Variants in GALNT13 observed in about 807,000 individuals in gnomAD.
The protein encoded by GALNT13 is UDP-GalNAc:polypeptide N-acetylgalactosaminyltransferase 13.
Under a neutral mutation model 64.2 loss-of-function variants are expected in GALNT13, and 28 were observed. The ratio of observed to expected loss-of-function variants is 0.44; its 90% CI spans 0.32 to 0.60. GALNT13 has a LOEUF of 0.60. Ranked by LOEUF, GALNT13 falls within the 20% of genes least tolerant of loss-of-function variation. The pLI is 0.05. For missense variants in GALNT13, 577 were observed against 669.8 expected (o/e 0.86, Z 1.53); for synonymous variants, 214 against 224.6 (o/e 0.95, Z 0.42).
chr2:153,387,071 A>G, the GALNT13 span, among the ~76,000 whole-genome samples: 1 of 152,144 alleles, frequency 6.6e-6, no homozygotes, highest in African/African-American at 2.4e-5. Context: ...ACCTCATAGC[A>G]TTTAGCTCTG....
chr2:153,171,219 A>C, the GALNT13 span, among the ~76,000 whole-genome samples: 2 of 152,222 alleles, frequency 1.3e-5, no homozygotes, highest in African/African-American at 4.8e-5. Context: ...ACATCTGAGA[A>C]GTGAGAAGCT....
intron 8 of GALNT13, among the ~76,000 whole-genome samples, chr2:154,269,993 T>C (rs1691267208): frequency 6.9e-6 from 1 of 145,822 alleles, no homozygotes; most frequent in South Asian, 2.2e-4. Context: ...AGAATTCTGT[T>C]TATCCAAAAC....
At chr2:153,802,540 G>A in the GALNT13 span, among the ~76,000 whole-genome samples, 1 of 152,140 alleles carries the variant, frequency 6.6e-6, no homozygotes, top group African/African-American at 2.4e-5. Context: ...TGCTCACTCT[G>A]CTGTGTTTAT....
At chr2:153,961,564 C>T (rs1239707179) in intron 3 of GALNT13, among the ~76,000 whole-genome samples, 2 of 151,912 alleles carry the variant, frequency 1.3e-5, no homozygotes, top group African/African-American at 4.8e-5. Flanking sequence ...ATATACAACA[C>T]CCTTTATATA....
Position 153,915,017 on chromosome 2 carries a change from A to G in GALNT13, c.-105+14010A>G, listed in dbSNP as rs967825351. ...TACACAATACCTACCCATTCCTCCC[A>G]TGGGGCCCAAGCTCCTCCTGGAGTC... On this transcript the variant is annotated intron_variant, in intron 2 of 12. Transcript: ENST00000392825. Among the ~76,000 whole-genome samples, 8 of 151,990 alleles carry G rather than the reference A, an allele frequency of 5.3e-5. No individual in the cohort carries two copies. The East Asian group carries it at 5.8e-4, about 11-fold the overall frequency.
chr2:153,191,072 C>G, the GALNT13 span, among the ~76,000 whole-genome samples: 1 of 152,010 alleles, frequency 6.6e-6, no homozygotes, highest in East Asian at 1.9e-4. Flanking sequence ...ATTTCATTCT[C>G]TTGCCAGATT....
intron 9 of GALNT13, among the ~76,000 whole-genome samples, chr2:154,311,474 G>T (rs573710989): frequency 8.0e-4 from 121 of 152,128 alleles, no homozygotes; most frequent in African/African-American, 2.7e-3. Context: ...AATAGGTGTG[G>T]GTGACAGACA....
chr2:153,144,818 G>A, the GALNT13 span, among the ~76,000 whole-genome samples: 13 of 151,676 alleles, frequency 8.6e-5, no homozygotes, highest in East Asian at 3.9e-4. Flanking sequence ...GTTTCTTGCC[G>A]AGTTAAGAAA....
chr2:153,247,161 G>T, the GALNT13 span, among the ~76,000 whole-genome samples: 3 of 152,122 alleles, frequency 2.0e-5, no homozygotes, highest in Non-Finnish European at 4.4e-5. Flanking sequence ...CCTACAGAGA[G>T]ACTTAGATTC....
the GALNT13 span, among the ~76,000 whole-genome samples, chr2:153,121,292 C>A: frequency 6.6e-6 from 1 of 152,116 alleles, no homozygotes; most frequent in South Asian, 2.1e-4. Flanking sequence ...CAAAAGCAGT[C>A]CATTCCTCCT....
the GALNT13 span, among the ~76,000 whole-genome samples, chr2:153,771,924 G>A: frequency 6.6e-6 from 1 of 152,152 alleles, no homozygotes; most frequent in Non-Finnish European, 1.5e-5. Flanking sequence ...ACTAGAGTGG[G>A]GCACTCTACC....
chr2:154,010,632 C>T (rs192511201), intron 3 of GALNT13, among the ~76,000 whole-genome samples: 2 of 152,214 alleles, frequency 1.3e-5, no homozygotes, highest in East Asian at 3.9e-4. Flanking sequence ...TCCTTCTCCT[C>T]AGTTTTTTGG....
At chr2:154,227,333 C>T (rs1273046084) in intron 4 of GALNT13, among the ~76,000 whole-genome samples, 1 of 149,300 alleles carries the variant, frequency 6.7e-6, no homozygotes, top group East Asian at 2.0e-4. Flanking sequence ...TTCTTTTTTT[C>T]TTTTTTTTTA....
At chr2:153,846,331 T>C in the GALNT13 span, among the ~76,000 whole-genome samples, 6 of 152,090 alleles carry the variant, frequency 3.9e-5, no homozygotes, top group Non-Finnish European at 8.8e-5. Flanking sequence ...GAGAAATGTT[T>C]CCCAAAATAC....
intron 4 of GALNT13, among the ~76,000 whole-genome samples, chr2:154,238,441 G>A (rs945295584): frequency 6.6e-6 from 1 of 151,934 alleles, no homozygotes; most frequent in African/African-American, 2.4e-5. Flanking sequence ...AAAGCATTGT[G>A]CTATAATTTG....
At chr2:153,806,713 A>G in the GALNT13 span, among the ~76,000 whole-genome samples, 1 of 151,846 alleles carries the variant, frequency 6.6e-6, no homozygotes, top group Non-Finnish European at 1.5e-5. Context: ...AGAGGAACAT[A>G]CAAAGCTTTA....
At chr2:153,318,458 T>C in the GALNT13 span, among the ~76,000 whole-genome samples, 2 of 152,244 alleles carry the variant, frequency 1.3e-5, no homozygotes, top group African/African-American at 2.4e-5. Flanking sequence ...AGACTCTGCC[T>C]CTTCTTAATT....
chr2:153,343,460 A>G, the GALNT13 span, among the ~76,000 whole-genome samples: 5 of 152,172 alleles, frequency 3.3e-5, no homozygotes, highest in Admixed American at 1.3e-4. Flanking sequence ...ACATTAGATA[A>G]ATCCTAAATA....
the GALNT13 span, among the ~76,000 whole-genome samples, chr2:153,228,203 T>A: frequency 0.13 from 19,853 of 152,218 alleles, 1,659 homozygotes; most frequent in Non-Finnish European, 0.18. Flanking sequence ...GTGCTCTGAT[T>A]ATTAAAGTCC....
Sources: gnomAD v4.1 joint callset for allele counts (sites outside exome capture counted in the v4.1 genomes callset) on GRCh38, gnomAD v4.1.1 for gene constraint, MANE v1.5 for transcripts, NCBI Gene and HGNC (gene_info 2026-07-23, HGNC 2026-07-21) for gene names.